CHRM3: variants seen among roughly 807,000 people sequenced by gnomAD.
CHRM3 encodes muscarinic acetylcholine receptor M3.
In CHRM3, 11 loss-of-function variants were observed where a neutral mutation model predicts 41.8. The observed-to-expected ratio is 0.26, with a 90% CI of 0.17 to 0.44. CHRM3 has a LOEUF of 0.44. Ranked by LOEUF, CHRM3 falls within the 20% of genes least tolerant of loss-of-function variation. CHRM3 has a pLI of 1.00. For missense variants in CHRM3, 571 were observed against 745.4 expected (o/e 0.77, Z 2.72); for synonymous variants, 297 against 301.4 (o/e 0.99, Z 0.15).
intron 4 of CHRM3, among the ~76,000 whole-genome samples, chr1:239,654,458 G>A (rs1307767494): frequency 6.6e-6 from 1 of 152,206 alleles, no homozygotes; most frequent in Non-Finnish European, 1.5e-5. Context: ...GAGTGCAGCA[G>A]TGCGATCTCA....
At chr1:239,530,612 C>T (rs1384276687) in intron 2 of CHRM3, among the ~76,000 whole-genome samples, 2 of 152,022 alleles carry the variant, frequency 1.3e-5, no homozygotes, top group Non-Finnish European at 2.9e-5. Flanking sequence ...CTAAAGGATA[C>T]TATGATTGAA....
chr1:239,632,910 A>G (rs146825928), intron 4 of CHRM3, among the ~76,000 whole-genome samples: 302 of 152,336 alleles, frequency 2.0e-3, no homozygotes, highest in African/African-American at 6.7e-3. Context: ...ACAGTTCTAC[A>G]TGGCCGGGAA....
intron 1 of CHRM3, among the ~76,000 whole-genome samples, chr1:239,394,137 G>A (rs1659281608): frequency 6.6e-6 from 1 of 152,174 alleles, no homozygotes; most frequent in Non-Finnish European, 1.5e-5. Flanking sequence ...GTTGGAAGGG[G>A]ATGTTAGATG....
At position 239,703,625 on chromosome 1, in the gene CHRM3, G is replaced by C. The variant is rs1175511696; in HGVS notation, c.-147+25337G>C. ...TTAATCAAATTGTAACACAAATTGAGAAATATCATTAAAGTGATAATGCCA... is the reference window on the plus strand; with the variant it reads ...TTAATCAAATTGTAACACAAATTGACAAATATCATTAAAGTGATAATGCCA... On this transcript the variant is annotated intron_variant, in intron 5 of 6. Coordinates refer to ENST00000676153, the MANE Select transcript of CHRM3 (RefSeq NM_001375978.1). 2.0e-5 allele frequency: 3 copies of C among 152,174 alleles called. No homozygotes were observed. In the East Asian group the frequency reaches 5.8e-4, roughly 29 times the overall value. The allele number at this position is 152,174 out of a possible 1,614,324, so 9.4% of individuals were successfully genotyped here.
chr1:239,510,538 A>ATTT (rs1295995183), intron 2 of CHRM3, among the ~76,000 whole-genome samples: 1 of 142,842 alleles, frequency 7.0e-6, no homozygotes, highest in African/African-American at 2.6e-5. Flanking sequence ...AACCCCTCAG[A>ATTT]TTTTTTTTTT....
chr1:239,520,323 G>A (rs1669556058), intron 2 of CHRM3, among the ~76,000 whole-genome samples: 1 of 152,128 alleles, frequency 6.6e-6, no homozygotes, highest in Non-Finnish European at 1.5e-5. Context: ...CTCAAAGTTG[G>A]AGGTGGGGCC....
intron 6 of CHRM3, among the ~76,000 whole-genome samples, chr1:239,883,116 A>G (rs1042022246): frequency 6.6e-6 from 1 of 152,218 alleles, no homozygotes; most frequent in African/African-American, 2.4e-5. Context: ...AAACACACAC[A>G]ACAACATTTA....
At chr1:239,770,510 T>C (rs942955861) in intron 5 of CHRM3, among the ~76,000 whole-genome samples, 1 of 152,164 alleles carries the variant, frequency 6.6e-6, no homozygotes, top group African/African-American at 2.4e-5. Flanking sequence ...GCTAAGAGCC[T>C]GGATAAAAAT....
intron 2 of CHRM3, among the ~76,000 whole-genome samples, chr1:239,533,410 G>A (rs368034411): frequency 4.8e-4 from 73 of 152,126 alleles, no homozygotes; most frequent in African/African-American, 1.7e-3. Context: ...TTCACAGGGC[G>A]GCAGGAAGGA....
intron 3 of CHRM3, among the ~76,000 whole-genome samples, chr1:239,574,121 G>A (rs897828566): frequency 3.9e-5 from 6 of 152,238 alleles, no homozygotes; most frequent in East Asian, 3.9e-4. Context: ...TTGGTTAAGG[G>A]AAGAGATATT....
rs556104358 is a variant in CHRM3 at position 239,674,553 on chromosome 1, C to CA, written c.-249-3626dup. Among the ~76,000 whole-genome samples, 10 of 151,464 alleles carry CA rather than the reference C, an allele frequency of 6.6e-5. No homozygotes were observed. The East Asian group carries it at 1.8e-3, about 27-fold the overall frequency. ...TGAAACCCCATCTCTACTGAAAATA[C>CA]AAAAAAATTAGCTGGGCTTGGTGGC... On this transcript the variant is annotated intron_variant, in intron 4 of 6. Coordinates refer to ENST00000676153, the MANE Select transcript of CHRM3 (RefSeq NM_001375978.1).
chr1:239,674,709 C>CAAAAAAA (rs34078965), intron 4 of CHRM3, among the ~76,000 whole-genome samples: 1 of 92,766 alleles, frequency 1.1e-5, no homozygotes. Context: ...GACTCCATCT[C>CAAAAAAA]AAAAAAAAAA....
chr1:239,690,633 AG>A (rs1223178300), intron 5 of CHRM3, among the ~76,000 whole-genome samples: 2 of 152,076 alleles, frequency 1.3e-5, no homozygotes, highest in Non-Finnish European at 2.9e-5. Context: ...TCTCATCTTA[AG>A]AAAAAAAAAT....
chr1:239,697,492 T>C (rs1245275539), intron 5 of CHRM3, among the ~76,000 whole-genome samples: 1 of 152,106 alleles, frequency 6.6e-6, no homozygotes, highest in Non-Finnish European at 1.5e-5. Flanking sequence ...CCATTTAGCA[T>C]GTTTCAGAAG....
At chr1:239,633,779 G>A (rs1467101781) in intron 4 of CHRM3, among the ~76,000 whole-genome samples, 1 of 147,370 alleles carries the variant, frequency 6.8e-6, no homozygotes, top group East Asian at 2.1e-4. Context: ...TACTGGAGCA[G>A]GAAGATAAAA....
intron 4 of CHRM3, among the ~76,000 whole-genome samples, chr1:239,648,627 G>A (rs560502381): frequency 2.1e-4 from 32 of 152,272 alleles, no homozygotes; most frequent in African/African-American, 7.5e-4. Context: ...TGATTTCAAG[G>A]ATAAGCTAAG....
intron 2 of CHRM3, among the ~76,000 whole-genome samples, chr1:239,535,870 C>T (rs1211185387): frequency 1.3e-5 from 2 of 152,056 alleles, no homozygotes; most frequent in Non-Finnish European, 2.9e-5. Flanking sequence ...CCTGAGCTGT[C>T]GGGTACAGGG....
intron 5 of CHRM3, among the ~76,000 whole-genome samples, chr1:239,782,552 A>G (rs1461173997): frequency 6.6e-6 from 1 of 152,064 alleles, no homozygotes; most frequent in African/African-American, 2.4e-5. Context: ...TTTTCAAAGA[A>G]CTAGTTTTCA....
At chr1:239,471,324 C>T (rs1048903206) in intron 1 of CHRM3, among the ~76,000 whole-genome samples, 2 of 152,142 alleles carry the variant, frequency 1.3e-5, no homozygotes, top group Non-Finnish European at 2.9e-5. Context: ...AGCAGCAAAT[C>T]AAAACTACAA....
Sources: gnomAD v4.1 joint callset for allele counts (sites outside exome capture counted in the v4.1 genomes callset) on GRCh38, gnomAD v4.1.1 for gene constraint, MANE v1.5 for transcripts, NCBI Gene and HGNC (gene_info 2026-07-23, HGNC 2026-07-21) for gene names.